KBTBD4: variants seen among roughly 807,000 people sequenced by gnomAD.
The protein encoded by KBTBD4 is kelch repeat and BTB domain-containing protein 4.
KBTBD4 carries 30 observed loss-of-function variants against 43.9 expected under a neutral mutation model. That is an observed-to-expected ratio of 0.68 (90% CI 0.51 to 0.93). The LOEUF is 0.93. KBTBD4 is among the 40% of genes least tolerant of loss of function. The pLI is 0.00. For synonymous variants in KBTBD4, 258 were observed against 256.9 expected (o/e 1.00, Z -0.04); for missense variants, 575 against 668.8 (o/e 0.86, Z 1.55).
At chr11:47,574,433 G>A (rs1488447214) in intron 3 of KBTBD4, among the ~76,000 whole-genome samples, 2 of 152,092 alleles carry the variant, frequency 1.3e-5, no homozygotes, top group Non-Finnish European at 2.9e-5. Context: ...AGAGGCGGAG[G>A]TTGCAGTGAG....
chr11:47,575,891 C>G (rs1156763896), intron 2 of KBTBD4, among the ~76,000 whole-genome samples, 192 bp from the exon 3 acceptor site: 1 of 151,204 alleles, frequency 6.6e-6, no homozygotes, highest in Non-Finnish European at 1.5e-5. Flanking sequence ...GGGTCTCACC[C>G]TGTCGCTCAG....
chr11:47,577,533 C>T lies in KBTBD4; in HGVS notation c.515G>A (p.Arg172Gln), dbSNP rs766141554. The change falls in exon 2 of 4, where the codon CGG (arginine) becomes CAG (glutamine). Residue 172 changes from arginine (R) to glutamine (Q), a missense_variant. Arg to Gln is a conservative substitution (Grantham distance 43, BLOSUM62 1). Coordinates refer to ENST00000430070, the MANE Select transcript of KBTBD4 (RefSeq NM_018095.6). ...NCLQVMWLAD[R>Q]HSDPELYTAA... ...CGTATAGAGCTCAGGATCACTGTGC[C>T]GATCTGCCAGCCACATCACCTGAAG... 8 of 1,614,124 alleles carry T rather than the reference C, an allele frequency of 5.0e-6. No homozygotes were observed. The highest frequency in any genetic ancestry group is 3.3e-5 in the Admixed American group (2 of 60,008).
chr11:47,572,967 T>C lies in KBTBD4; in HGVS notation c.1568A>G (p.Lys523Arg). 6.2e-7 allele frequency: 1 copy of C among 1,614,196 alleles called. No individual in the cohort carries two copies. The highest frequency in any genetic ancestry group is 8.5e-7 in the Non-Finnish European group (1 of 1,180,034). The change falls in exon 4 of 4, where the codon AAG becomes AGG. Residue 523 changes from lysine (K) to arginine (R), a missense_variant. Transcript: ENST00000430070. ...AAACTGCAAATTGGTAAGCAGCACC[T>C]TAATACCTCTTGTGACAGTTACGGC... is the stretch of plus-strand genomic sequence containing the variant. ...TSAVTVTRGI[K>R]VLLTNLQFVL...
In KBTBD4 at chr11:47,573,319, G is replaced by A; in HGVS notation, c.1216C>T (p.Leu406=). ...IYLLGGEEND[L]DFFTKPSRLI... ...CGGGAAGGTTTGGTAAAGAAGTCCA[G>A]ATCATTCTCCTCCCCCCCTAGTAAG... Residue 406 remains leucine (L), a synonymous_variant, in exon 4 of 4, where the codon CTG becomes TTG. Coordinates refer to ENST00000430070, the MANE Select transcript of KBTBD4 (RefSeq NM_018095.6). The surrounding 1 kb of genome is among the most constrained non-coding windows in gnomAD (Gnocchi z 4.1). The A allele has an allele frequency of 1.2e-6, 2 of 1,614,176 alleles. No individual in the cohort carries two copies. Among genetic ancestry groups the A allele is most frequent in the Non-Finnish European group, 1.7e-6 (2 of 1,180,042 alleles).
intron 1 of KBTBD4, chr11:47,578,558 C>G: frequency 1.4e-6 from 1 of 699,562 alleles, no homozygotes; most frequent in Non-Finnish European, 2.6e-6. Flanking sequence ...CTCTTCTGAG[C>G]TGCTTCCCCC....
chr11:47,575,279 C>A (rs184793323), intron 3 of KBTBD4, among the ~76,000 whole-genome samples: 3 of 150,722 alleles, frequency 2.0e-5, no homozygotes, highest in East Asian at 3.9e-4. Flanking sequence ...GAGGCGGAGG[C>A]GGGCGGATCA....
chr11:47,574,309 C>G (rs1220966914), intron 3 of KBTBD4, among the ~76,000 whole-genome samples: 2 of 152,090 alleles, frequency 1.3e-5, no homozygotes, highest in Non-Finnish European at 2.9e-5. Context: ...CCAGCCTGAC[C>G]AATATGGTGA....
chr11:47,572,598 G>T lies in KBTBD4; in HGVS notation c.*332C>A. ...CATCTTTCCTTATGTCCTGGGATCA[G>T]GGGTGCTTACATTTAACATTGATCA... On this transcript the variant is annotated 3_prime_UTR_variant, in exon 4 of 4. Coordinates refer to ENST00000430070, the MANE Select transcript of KBTBD4 (RefSeq NM_018095.6). 1 of 299,596 alleles carries T rather than the reference G, an allele frequency of 3.3e-6. No homozygotes were observed. Among genetic ancestry groups the T allele is most frequent in the South Asian group, 7.0e-5 (1 of 14,302 alleles). The allele number at this position is 299,596 out of a possible 1,614,324, so 18.6% of individuals were successfully genotyped here.
chr11:47,575,044 A>G (rs1458783253), intron 3 of KBTBD4, among the ~76,000 whole-genome samples: 2 of 151,764 alleles, frequency 1.3e-5, no homozygotes, highest in Non-Finnish European at 2.9e-5. Context: ...GTGAAACCCC[A>G]TCTCTACTAA....
chr11:47,578,395 G>C, intron 1 of KBTBD4: 2 of 557,424 alleles, frequency 3.6e-6, no homozygotes, highest in Non-Finnish European at 6.3e-6. Context: ...AAATAACTGG[G>C]GCATAAAACT....
rs1366274365 is a variant in KBTBD4, at chr11:47,577,593, C to T, written c.455G>A (p.Arg152Gln). 7 of 1,614,020 alleles carry T rather than the reference C, an allele frequency of 4.3e-6. No individual in the cohort carries two copies. Among genetic ancestry groups the T allele is most frequent in the Non-Finnish European group, 5.9e-6 (7 of 1,180,036 alleles). Reference sequence around the variant, plus strand: ...CACTTGCACTGTGCGGGCCAAAAACCGAGAGCATTCCTCAAAGAGAGATGT... The same window carrying T: ...CACTTGCACTGTGCGGGCCAAAAACTGAGAGCATTCCTCAAAGAGAGATGT... ...QLTSLFEECS[R>Q]FLARTVQVGN... Residue 152 changes from arginine to glutamine, a missense_variant, in exon 2 of 4, where the codon CGG becomes CAG. Physicochemically the swap from Arg to Gln is conservative, Grantham distance 43. Transcript: ENST00000430070.
chr11:47,578,214 C>T (rs1454257761), intron 1 of KBTBD4, 186 bp from the exon 2 acceptor site: 1 of 614,752 alleles, frequency 1.6e-6, no homozygotes, highest in African/African-American at 1.8e-5. Context: ...TCGTTATCCC[C>T]AGTGGCGCCC....
At position 47,573,722 on chromosome 11, in the gene KBTBD4, C is replaced by T. The variant is rs771700327; in HGVS notation, c.813G>A (p.Val271=). Residue 271 remains valine (V), a synonymous_variant, in exon 4 of 4, where the codon GTG becomes GTA. Coordinates refer to ENST00000430070, the MANE Select transcript of KBTBD4 (RefSeq NM_018095.6). The surrounding 1 kb of genome is among the most constrained non-coding windows in gnomAD (Gnocchi z 4.1). ...KESSRTHSLA[V]SLHCAEDDSI... is the part of the protein sequence containing the mutation. ...AGTCATCTTCTGCACAGTGCAAGGA[C>T]ACAGCCAACGAGTGGGTACGAGATG... 6.2e-6 allele frequency: 10 copies of T among 1,601,344 alleles called. No individual in the cohort carries two copies. The highest frequency in any genetic ancestry group is 8.5e-6 in the Non-Finnish European group (10 of 1,176,568).
chr11:47,578,824 T>G, intron 1 of KBTBD4, 109 bp downstream of exon 1: 1 of 1,508,918 alleles, frequency 6.6e-7, no homozygotes, highest in Non-Finnish European at 9.0e-7. Flanking sequence ...TCCCCTCCTC[T>G]CACCCGCCTG....
chr11:47,578,330 A>G lies in KBTBD4; in HGVS notation c.20-302T>C, dbSNP rs1163402735. 26 of 577,502 alleles carry G rather than the reference A, an allele frequency of 4.5e-5. No individual in the cohort carries two copies. In the East Asian group the frequency reaches 7.1e-4, roughly 16 times the overall value. The allele number at this position is 577,502 out of a possible 1,614,324, so 35.8% of individuals were successfully genotyped here. A position where few individuals can be genotyped will look rare whatever the true frequency, so the allele number is the denominator to read the frequency against. On this transcript the variant is annotated intron_variant, in intron 1 of 3. Coordinates refer to ENST00000430070, the MANE Select transcript of KBTBD4 (RefSeq NM_018095.6). ...AACAAAAGACTTGGGATTTAGGTCA[A>G]TATATGAAAGCAAAGGGCTGGGAGA...
chr11:47,577,342 T>C, intron 2 of KBTBD4, 69 bp downstream of exon 2: 4 of 1,471,844 alleles, frequency 2.7e-6, no homozygotes, highest in Non-Finnish European at 9.2e-7. Flanking sequence ...TCTTTTCTCC[T>C]AAACTAGAAC....
chr11:47,574,751 G>A (rs2097255971), intron 3 of KBTBD4, among the ~76,000 whole-genome samples: 1 of 152,178 alleles, frequency 6.6e-6, no homozygotes, highest in Middle Eastern at 3.4e-3. Context: ...CTACTCGGGA[G>A]GCTGAGGCAG....
At chr11:47,578,312 G>A in intron 1 of KBTBD4, 1 of 579,948 alleles carries the variant, frequency 1.7e-6, no homozygotes, top group South Asian at 2.2e-5. Context: ...GTTAACAAAA[G>A]ACTTGGGATT....
chr11:47,574,212 G>A (rs1380016248), intron 3 of KBTBD4, among the ~76,000 whole-genome samples: 1 of 152,086 alleles, frequency 6.6e-6, no homozygotes, highest in Non-Finnish European at 1.5e-5. Flanking sequence ...AAAAACAAGA[G>A]ATGGCCGGGC....
Sources: allele counts gnomAD v4.1 joint callset (sites outside exome capture counted in the v4.1 genomes callset), GRCh38; gene constraint gnomAD v4.1.1; non-coding constraint Gnocchi (gnomAD v3.1); transcripts MANE v1.5; gene names NCBI Gene and HGNC (gene_info 2026-07-23, HGNC 2026-07-21).